DSTYK: variants seen among roughly 807,000 people sequenced by gnomAD.
The protein encoded by DSTYK is dual serine/threonine and tyrosine protein kinase.
DSTYK carries 34 observed loss-of-function variants against 98.7 expected under a neutral mutation model. That is an observed-to-expected ratio of 0.34 (90% confidence interval 0.26 to 0.46). The LOEUF is 0.46. Ranked by LOEUF, DSTYK falls within the 20% of genes least tolerant of loss-of-function variation. The pLI is 1.00. For synonymous variants in DSTYK, 462 were observed against 457.3 expected (o/e 1.01, Z -0.13); for missense variants, 962 against 1,181.7 (o/e 0.81, Z 2.73).
intron 2 of DSTYK, among the ~76,000 whole-genome samples, chr1:205,172,699 G>A (rs912330508): frequency 6.6e-5 from 10 of 152,186 alleles, no homozygotes; most frequent in Middle Eastern, 3.4e-3. Context: ...TATATTCTCA[G>A]ATAGGTCACA....
chr1:205,165,164 G>A (rs1039833430), intron 3 of DSTYK, among the ~76,000 whole-genome samples: 4 of 152,078 alleles, frequency 2.6e-5, no homozygotes, highest in African/African-American at 7.2e-5. Context: ...CACGATCTCG[G>A]CTCACTGCAA....
intron 1 of DSTYK, among the ~76,000 whole-genome samples, chr1:205,209,801 T>C (rs924368809): frequency 2.0e-5 from 3 of 152,188 alleles, no homozygotes; most frequent in African/African-American, 7.2e-5. Flanking sequence ...CTAAGCCTTG[T>C]GTTCAAATTT....
chr1:205,183,040 T>G (rs1038630392), intron 2 of DSTYK, among the ~76,000 whole-genome samples: 3 of 147,048 alleles, frequency 2.0e-5, no homozygotes, highest in African/African-American at 2.5e-5. Context: ...TGCTGCTGCT[T>G]CTTCCTTTTC....
Position 205,147,563 on chromosome 1 carries a change from T to C in DSTYK, c.2785A>G (p.Thr929Ala). 1 of 1,603,300 alleles carries C rather than the reference T, an allele frequency of 6.2e-7. No homozygotes were observed. Among genetic ancestry groups the C allele is most frequent in the Non-Finnish European group, 8.5e-7 (1 of 1,171,002 alleles). Residue 929 changes from threonine (T) to alanine (A), a missense_variant, in exon 13 of 13, where the codon ACT (threonine) becomes GCT (alanine). By Grantham distance (58) the Thr-to-Ala change is moderately conservative (BLOSUM62 0). Transcript: ENST00000367162. ...AAAGAGAAAGGTCTTTGCTTTCAAGTAGAATCATCTAGTCCTCTGTTTGGC... is the reference window on the plus strand; with the variant it reads ...AAAGAGAAAGGTCTTTGCTTTCAAGCAGAATCATCTAGTCCTCTGTTTGGC... Reference protein sequence around the residue: ...EQPNRGLDDST With the variant: ...EQPNRGLDDSA
intron 1 of DSTYK, among the ~76,000 whole-genome samples, chr1:205,196,024 T>C (rs534999442): frequency 2.0e-5 from 3 of 152,304 alleles, no homozygotes; most frequent in South Asian, 2.1e-4. Flanking sequence ...TAACAGTTTA[T>C]AAGCATTACC....
chr1:205,167,821 A>G (rs1657932760), intron 3 of DSTYK, among the ~76,000 whole-genome samples: 1 of 152,234 alleles, frequency 6.6e-6, no homozygotes, highest in African/African-American at 2.4e-5. Context: ...CGAATACGTA[A>G]GAAGATTAAT....
In DSTYK at chr1:205,169,485, C is replaced by T; in HGVS notation, c.1002G>A (p.Val334=). ...AGTGTCTCAGCTTTTCACTCTGTTC[C>T]ACCAACATGCTCTGAGCTTTAGTAT... ...GQDTKAQSML[V]EQSEKLRHLS... The change falls in exon 3 of 13, where the codon GTG becomes GTA. Residue 334 remains valine (V), a synonymous_variant. Transcript: ENST00000367162. This position sits in a 1 kb window ranked among gnomAD's most constrained non-coding sequence, Gnocchi z 4.0. 2 of 1,614,068 alleles carry T rather than the reference C, an allele frequency of 1.2e-6. No individual in the cohort carries two copies. Among genetic ancestry groups the T allele is most frequent in the Non-Finnish European group, 1.7e-6 (2 of 1,180,018 alleles).
At position 205,163,509 on chromosome 1, in the gene DSTYK, G is replaced by A. The variant is rs916960795; in HGVS notation, c.1557+214C>T. Among the ~76,000 whole-genome samples the A allele has an allele frequency of 7.2e-5, 11 of 152,308 alleles. 1 individual carries two copies. Among genetic ancestry groups the A allele is most frequent in the Middle Eastern group, 3.4e-3 (1 of 294 alleles). ...GCTGGGATTACAGGCGTGAGCCACT[G>A]TGCCTGGCCTATATTCATCAACTTA... On this transcript the variant is annotated intron_variant, in intron 4 of 12. Coordinates refer to ENST00000367162, the MANE Select transcript of DSTYK (RefSeq NM_015375.3).
intron 1 of DSTYK, among the ~76,000 whole-genome samples, chr1:205,191,259 T>C (rs532484803): frequency 6.6e-6 from 1 of 152,232 alleles, no homozygotes. Flanking sequence ...ACTAAATCTT[T>C]AGCTTTTTCA....
intron 3 of DSTYK, among the ~76,000 whole-genome samples, chr1:205,167,085 ATTG>A (rs1407904008): frequency 6.6e-6 from 1 of 152,222 alleles, no homozygotes; most frequent in Non-Finnish European, 1.5e-5. Flanking sequence ...AATGACTGCA[ATTG>A]TTATTAGCTA....
At chr1:205,147,803 G>A (rs1484084382) in intron 12 of DSTYK, 58 bp from the exon 13 acceptor site, 10 of 1,563,840 alleles carry the variant, frequency 6.4e-6, no homozygotes, top group African/African-American at 1.4e-5. Context: ...ACAACAAAGA[G>A]GCATGACCAG....
intron 1 of DSTYK, 133 bp downstream of exon 1, chr1:205,211,138 G>T: frequency 1.5e-6 from 2 of 1,324,588 alleles, no homozygotes; most frequent in African/African-American, 3.1e-5. Context: ...CATGCCCGGG[G>T]ACCCGGCCAC....
intron 9 of DSTYK, among the ~76,000 whole-genome samples, chr1:205,158,804 A>G (rs1303414583): frequency 6.6e-6 from 1 of 152,226 alleles, no homozygotes; most frequent in Non-Finnish European, 1.5e-5. Context: ...GCTGACTACA[A>G]TTCTCTTAAT....
At chr1:205,198,481 C>G (rs1465813947) in intron 1 of DSTYK, among the ~76,000 whole-genome samples, 1 of 152,070 alleles carries the variant, frequency 6.6e-6, no homozygotes, top group African/African-American at 2.4e-5. Flanking sequence ...ATAAGAATGA[C>G]TTTTCTTTAC....
chr1:205,178,711 A>G (rs1658307778), intron 2 of DSTYK, among the ~76,000 whole-genome samples: 1 of 152,192 alleles, frequency 6.6e-6, no homozygotes, highest in African/African-American at 2.4e-5. Context: ...GGTGGCTGAG[A>G]GAGCAGGAAA....
rs113887323 is a variant in DSTYK at position 205,184,859 on chromosome 1, A to G, written c.654+2559T>C. ...CTCAGTCTCCCAAAGTGTTGGGATT[A>G]CAGGCATAATCACTGTGCTCAGACA... On this transcript the variant is annotated intron_variant, in intron 2 of 12. Coordinates refer to ENST00000367162, the MANE Select transcript of DSTYK (RefSeq NM_015375.3). Among the ~76,000 whole-genome samples, 1,302 of 152,262 alleles carry G rather than the reference A, an allele frequency of 8.6e-3. 22 individuals carry two copies. Among genetic ancestry groups the G allele is most frequent in the African/African-American group, 0.03 (1,247 of 41,538 alleles).
At chr1:205,153,127 T>C (rs149491821) in intron 10 of DSTYK, among the ~76,000 whole-genome samples, 2 of 152,344 alleles carry the variant, frequency 1.3e-5, no homozygotes, top group Non-Finnish European at 2.9e-5. Flanking sequence ...TAAGTATGTC[T>C]AATTTGGCTA....
intron 1 of DSTYK, among the ~76,000 whole-genome samples, chr1:205,204,181 C>A (rs1659134113): frequency 6.6e-6 from 1 of 152,198 alleles, no homozygotes; most frequent in South Asian, 2.1e-4. Flanking sequence ...TAGTCTCCCA[C>A]TCAGTAAATG....
chr1:205,160,026 T>G, intron 8 of DSTYK, 88 bp downstream of exon 8: 1 of 1,474,132 alleles, frequency 6.8e-7, no homozygotes, highest in Non-Finnish European at 9.5e-7. Flanking sequence ...AGAGAGGCCA[T>G]GCTGTAGCTC....
Sources: allele counts gnomAD v4.1 joint callset (sites outside exome capture counted in the v4.1 genomes callset), GRCh38; gene constraint gnomAD v4.1.1; non-coding constraint Gnocchi (gnomAD v3.1); transcripts MANE v1.5; gene names NCBI Gene and HGNC (gene_info 2026-07-23, HGNC 2026-07-21).